PHACTR1: variants seen among roughly 807,000 people sequenced by gnomAD.
PHACTR1 encodes the protein RPEL repeat containing 1.
PHACTR1 carries 16 observed loss-of-function variants against 69.2 expected under a neutral mutation model. The ratio of observed to expected loss-of-function variants is 0.23; its 90% CI spans 0.16 to 0.35. The LOEUF (loss-of-function observed/expected upper bound fraction) is 0.35, where lower values mean the gene tolerates loss of function less well. Among genes scored for constraint, PHACTR1 ranks in the 10% least tolerant of loss-of-function variants. PHACTR1 has a pLI of 1.00. For synonymous variants in PHACTR1, 312 were observed against 284.5 expected (o/e 1.10, Z -0.97); for missense variants, 510 against 734.7 (o/e 0.69, Z 3.54).
At chr6:12,905,205 A>G (rs1238604896) in intron 4 of PHACTR1, among the ~76,000 whole-genome samples, 3 of 152,236 alleles carry the variant, frequency 2.0e-5, no homozygotes, top group African/African-American at 7.2e-5. Context: ...CCCAGGGTGG[A>G]AAAGCATGGA....
chr6:12,936,914 C>CT (rs1562029627), intron 4 of PHACTR1, among the ~76,000 whole-genome samples: 1 of 152,134 alleles, frequency 6.6e-6, no homozygotes, highest in Non-Finnish European at 1.5e-5. Context: ...TCCTTTCAGT[C>CT]TTTTTTCTCA....
At chr6:12,984,784 GGAAAAA>G (rs1795939006) in intron 4 of PHACTR1, among the ~76,000 whole-genome samples, 1 of 45,938 alleles carries the variant, frequency 2.2e-5, no homozygotes, top group Admixed American at 1.5e-4. Flanking sequence ...TGTTTCATAA[GGAAAAA>G]GCAAACCGTC....
intron 3 of PHACTR1, among the ~76,000 whole-genome samples, chr6:12,733,193 A>AT (rs1763781594): frequency 6.6e-6 from 1 of 152,194 alleles, no homozygotes; most frequent in Non-Finnish European, 1.5e-5. Flanking sequence ...GTAATGTTTC[A>AT]TTTAACCGTG....
intron 4 of PHACTR1, among the ~76,000 whole-genome samples, chr6:13,029,763 T>C (rs1018036984): frequency 1.3e-5 from 2 of 152,224 alleles, no homozygotes; most frequent in African/African-American, 4.8e-5. Flanking sequence ...TACTCTGCTG[T>C]TCTAGTGCAA....
chr6:12,972,891 T>C (rs1290328329), intron 4 of PHACTR1, among the ~76,000 whole-genome samples: 2 of 152,162 alleles, frequency 1.3e-5, no homozygotes, highest in Non-Finnish European at 2.9e-5. Context: ...CCTTAGGCGA[T>C]CCACCTGCCT....
chr6:12,864,481 C>T (rs1166694520), intron 4 of PHACTR1, among the ~76,000 whole-genome samples: 1 of 152,126 alleles, frequency 6.6e-6, no homozygotes, highest in Non-Finnish European at 1.5e-5. Flanking sequence ...AAGATCCAGA[C>T]CATCCTGGCT....
intron 4 of PHACTR1, among the ~76,000 whole-genome samples, chr6:12,925,158 T>C (rs560171679): frequency 6.6e-6 from 1 of 152,338 alleles, no homozygotes; most frequent in South Asian, 2.1e-4. Context: ...TCATAAGAAA[T>C]GTGCAATGCA....
intron 4 of PHACTR1, among the ~76,000 whole-genome samples, chr6:13,037,255 A>G (rs756417319): frequency 6.6e-6 from 1 of 152,120 alleles, no homozygotes; most frequent in Admixed American, 6.6e-5. Flanking sequence ...CAGAATAGGT[A>G]TCTCTCTCTA....
At chr6:12,916,394 C>G (rs1028482304) in intron 4 of PHACTR1, among the ~76,000 whole-genome samples, 10 of 152,192 alleles carry the variant, frequency 6.6e-5, no homozygotes, top group Admixed American at 3.9e-4. Context: ...ATTTCCACCT[C>G]AGATGTCAAT....
intron 9 of PHACTR1, among the ~76,000 whole-genome samples, chr6:13,229,503 C>T (rs1486416701): frequency 6.6e-6 from 1 of 152,174 alleles, no homozygotes; most frequent in African/African-American, 2.4e-5. Flanking sequence ...CCCAACCAGC[C>T]CCACTTTGTC....
chr6:13,251,994 A>G (rs1055898631), intron 10 of PHACTR1, among the ~76,000 whole-genome samples: 1 of 151,628 alleles, frequency 6.6e-6, no homozygotes, highest in Non-Finnish European at 1.5e-5. Context: ...GTTTGAGGCT[A>G]CAGTGAGCTG....
At chr6:13,266,259 C>T (rs1047987702) in intron 10 of PHACTR1, among the ~76,000 whole-genome samples, 6 of 152,134 alleles carry the variant, frequency 3.9e-5, no homozygotes, top group Non-Finnish European at 8.8e-5. Context: ...GCCACAGCCT[C>T]GCCCAAGCCT....
chr6:13,124,536 A>AAAATTGCC (rs1291473456), intron 5 of PHACTR1, among the ~76,000 whole-genome samples: 2 of 152,200 alleles, frequency 1.3e-5, no homozygotes, highest in Non-Finnish European at 2.9e-5. Context: ...AAGACAGTTC[A>AAAATTGCC]AAATTGCCTT....
chr6:13,117,435 G>T (rs746544981), intron 5 of PHACTR1, among the ~76,000 whole-genome samples: 16 of 152,150 alleles, frequency 1.1e-4, no homozygotes, highest in Non-Finnish European at 2.1e-4. Flanking sequence ...AATCTCAGTG[G>T]ACTATTAATA....
At chr6:13,120,441 A>G (rs1048748405) in intron 5 of PHACTR1, among the ~76,000 whole-genome samples, 3 of 152,224 alleles carry the variant, frequency 2.0e-5, no homozygotes, top group Non-Finnish European at 2.9e-5. Context: ...TAAATGAGTT[A>G]AGGACAGAGT....
At position 12,947,069 on chromosome 6, in the gene PHACTR1, C is replaced by T. The variant is rs9473055; in HGVS notation, c.251-106296C>T. Among the ~76,000 whole-genome samples the T allele has an allele frequency of 7.1e-3, 1,075 of 151,804 alleles. 15 individuals carry two copies. Among genetic ancestry groups the T allele is most frequent in the African/African-American group, 0.025 (1,017 of 41,380 alleles). On this transcript the variant is annotated intron_variant, in intron 4 of 14. Coordinates refer to ENST00000332995, the MANE Select transcript of PHACTR1 (RefSeq NM_030948.6). ...GTCGTGATCCACCCGCCTCGGCCTC[C>T]GAAAGTGCTGGGATTACAGGCGTGA...
intron 4 of PHACTR1, among the ~76,000 whole-genome samples, chr6:13,023,627 G>A (rs1801292442): frequency 6.6e-6 from 1 of 152,212 alleles, no homozygotes; most frequent in Non-Finnish European, 1.5e-5. Flanking sequence ...GTTATTTCAA[G>A]TACAATAGCA....
chr6:13,075,817 T>C (rs972837222), intron 5 of PHACTR1, among the ~76,000 whole-genome samples: 11 of 152,330 alleles, frequency 7.2e-5, no homozygotes, highest in African/African-American at 2.6e-4. Context: ...CAAGGTCATA[T>C]GCCAAATGAT....
At chr6:12,972,396 G>C (rs1794325612) in intron 4 of PHACTR1, among the ~76,000 whole-genome samples, 1 of 152,138 alleles carries the variant, frequency 6.6e-6, no homozygotes, top group Non-Finnish European at 1.5e-5. Flanking sequence ...TTCTGTTGCT[G>C]TTATAATAAA....
Sources: gnomAD v4.1 joint callset for allele counts (sites outside exome capture counted in the v4.1 genomes callset) on GRCh38, gnomAD v4.1.1 for gene constraint, MANE v1.5 for transcripts, NCBI Gene and HGNC (gene_info 2026-07-23, HGNC 2026-07-21) for gene names.